Variants in FHIT observed in about 807,000 individuals in gnomAD.
The protein encoded by FHIT is fragile histidine triad diadenosine triphosphatase, also known as bis(5'-adenosyl)-triphosphatase.
In FHIT, 19 loss-of-function variants were observed where a neutral mutation model predicts 17.9. The ratio of observed to expected loss-of-function variants is 1.06; its 90% CI spans 0.74 to 1.56. The LOEUF is 1.56. Ranked by LOEUF, FHIT falls within the 40% of genes most tolerant of loss-of-function variation. The probability of loss-of-function intolerance (pLI) is 0.00; values close to 1 mark genes in which losing one functional copy is unlikely to be tolerated. For synonymous variants in FHIT, 81 were observed against 69.7 expected (o/e 1.16, Z -0.81); for missense variants, 248 against 189.2 (o/e 1.31, Z -1.82).
chr3:61,006,912 G>A (rs763999170), intron 3 of FHIT, among the ~76,000 whole-genome samples: 9 of 152,066 alleles, frequency 5.9e-5, no homozygotes, highest in Middle Eastern at 3.5e-3. Context: ...AAAGAAGGAG[G>A]GGAAATAGTG....
chr3:60,237,192 C>G (rs1049283907), intron 5 of FHIT, among the ~76,000 whole-genome samples: 1 of 151,740 alleles, frequency 6.6e-6, no homozygotes, highest in African/African-American at 2.4e-5. Context: ...AGACTGGCTT[C>G]CCAGAGTATG....
intron 3 of FHIT, among the ~76,000 whole-genome samples, chr3:60,856,122 G>C (rs1379012928): frequency 6.6e-6 from 1 of 152,134 alleles, no homozygotes; most frequent in African/African-American, 2.4e-5. Context: ...AGAGGCAGAA[G>C]ACTGTGATGG....
chr3:60,007,411 T>C lies in FHIT; in HGVS notation c.279+3960A>G, dbSNP rs142982128. On this transcript the variant is annotated intron_variant, in intron 7 of 9. Transcript: ENST00000492590. Reference sequence around the variant, plus strand: ...GACTGCATGCTGGAATACACATACATATCGTCTTCTACTTCATGTTAACTA... The same window carrying C: ...GACTGCATGCTGGAATACACATACACATCGTCTTCTACTTCATGTTAACTA... 1.4e-4 allele frequency among the ~76,000 whole-genome samples: 21 copies of C among 152,290 alleles called. No homozygotes were observed. The East Asian group carries it at 3.9e-3, about 28-fold the overall frequency.
At chr3:60,037,431 C>T (rs1252719364) in intron 5 of FHIT, among the ~76,000 whole-genome samples, 5 of 150,554 alleles carry the variant, frequency 3.3e-5, no homozygotes, top group South Asian at 2.1e-4. Context: ...CTCTGTCGCC[C>T]GAGTGCAGTG....
intron 2 of FHIT, among the ~76,000 whole-genome samples, chr3:61,075,196 C>T (rs556198326): frequency 6.6e-6 from 1 of 152,274 alleles, no homozygotes; most frequent in African/African-American, 2.4e-5. Flanking sequence ...TCCAGACATT[C>T]TCAGTGGGAG....
At chr3:60,949,577 C>T (rs920257017) in intron 3 of FHIT, among the ~76,000 whole-genome samples, 2 of 152,170 alleles carry the variant, frequency 1.3e-5, no homozygotes, top group Admixed American at 6.5e-5. Flanking sequence ...CGGGTCACTT[C>T]CCTCCTCCCT....
At chr3:60,177,041 G>A (rs1375913786) in intron 5 of FHIT, among the ~76,000 whole-genome samples, 1 of 152,080 alleles carries the variant, frequency 6.6e-6, no homozygotes, top group Non-Finnish European at 1.5e-5. Context: ...TGCTCATAGG[G>A]AGACTGGATG....
At chr3:59,910,521 A>T (rs562223916) in intron 8 of FHIT, among the ~76,000 whole-genome samples, 31 of 152,104 alleles carry the variant, frequency 2.0e-4, no homozygotes, top group Non-Finnish European at 2.8e-4. Flanking sequence ...TTTAGAAGAA[A>T]ATGAGTCTCT....
At chr3:60,031,163 C>T (rs867572974) in intron 5 of FHIT, among the ~76,000 whole-genome samples, 3 of 152,212 alleles carry the variant, frequency 2.0e-5, no homozygotes, top group South Asian at 2.1e-4. Flanking sequence ...CTACAAAACA[C>T]GTTTTATCTC....
At chr3:59,925,895 T>G (rs1377789833) in intron 7 of FHIT, among the ~76,000 whole-genome samples, 1 of 152,204 alleles carries the variant, frequency 6.6e-6, no homozygotes, top group African/African-American at 2.4e-5. Context: ...GGACTTCTAA[T>G]AGAATGACAT....
chr3:60,278,084 C>A (rs1274193208), intron 5 of FHIT, among the ~76,000 whole-genome samples: 1 of 152,128 alleles, frequency 6.6e-6, no homozygotes, highest in Non-Finnish European at 1.5e-5. Flanking sequence ...GGAACTGATA[C>A]GAACACGTGT....
intron 5 of FHIT, among the ~76,000 whole-genome samples, chr3:60,398,764 A>C (rs242215): frequency 6.6e-6 from 1 of 152,230 alleles, no homozygotes; most frequent in Non-Finnish European, 1.5e-5. Context: ...ACCTGGAAGG[A>C]ATCTATTTGA....
chr3:60,150,440 T>C (rs1265952987), intron 5 of FHIT, among the ~76,000 whole-genome samples: 1 of 152,106 alleles, frequency 6.6e-6, no homozygotes, highest in Non-Finnish European at 1.5e-5. Context: ...ACACTAGAAA[T>C]TTATGCTTCA....
chr3:60,061,867 C>T (rs556339850), intron 5 of FHIT, among the ~76,000 whole-genome samples: 2 of 152,056 alleles, frequency 1.3e-5, no homozygotes, highest in South Asian at 4.2e-4. Flanking sequence ...GAATTTCAGC[C>T]AGAAGAACAG....
chr3:59,974,071 C>A (rs76380471), intron 7 of FHIT, among the ~76,000 whole-genome samples: 1 of 152,062 alleles, frequency 6.6e-6, no homozygotes, highest in African/African-American at 2.4e-5. Flanking sequence ...TTTTCAACAA[C>A]TGATATGGAC....
At chr3:60,381,511 A>G (rs1209903583) in intron 5 of FHIT, among the ~76,000 whole-genome samples, 3 of 151,940 alleles carry the variant, frequency 2.0e-5, no homozygotes, top group Non-Finnish European at 4.4e-5. Flanking sequence ...AAAAGAAAAG[A>G]TCATTAGACA....
At chr3:60,445,211 T>TGG (rs1357490493) in intron 5 of FHIT, among the ~76,000 whole-genome samples, 1 of 152,018 alleles carries the variant, frequency 6.6e-6, no homozygotes, top group East Asian at 1.9e-4. Flanking sequence ...TAGGTCTGGG[T>TGG]GGGGCTCATG....
intron 1 of FHIT, among the ~76,000 whole-genome samples, chr3:61,208,624 C>G (rs547146637): frequency 1.6e-3 from 245 of 151,958 alleles, no homozygotes; most frequent in African/African-American, 5.4e-3. Flanking sequence ...TTATCAGTGA[C>G]TAGGATTGCA....
intron 4 of FHIT, among the ~76,000 whole-genome samples, chr3:60,722,201 A>G (rs553585640): frequency 6.4e-4 from 98 of 152,326 alleles, no homozygotes; most frequent in African/African-American, 2.3e-3. Context: ...CATCTGAGCG[A>G]CAGAACTGAA....
Sources: allele counts gnomAD v4.1 joint callset (sites outside exome capture counted in the v4.1 genomes callset), GRCh38; gene constraint gnomAD v4.1.1; transcripts MANE v1.5; gene names NCBI Gene and HGNC (gene_info 2026-07-23, HGNC 2026-07-21).